The following NNMT variants were observed in gnomAD, a reference collection of about 807,000 sequenced individuals.
NNMT encodes the protein nicotinamide N-methyltransferase.
NNMT carries 10 observed loss-of-function variants against 11.7 expected under a neutral mutation model. That is an observed-to-expected ratio of 0.85 (90% CI 0.53 to 1.45). The LOEUF (loss-of-function observed/expected upper bound fraction) is 1.45. NNMT is among the 40% of genes most tolerant of loss of function. The probability of loss-of-function intolerance (pLI) is 0.00; values close to 1 mark genes in which losing one functional copy is unlikely to be tolerated. For missense variants in NNMT, 381 were observed against 319.4 expected (o/e 1.19, Z -1.47); for synonymous variants, 143 against 133.8 (o/e 1.07, Z -0.48).
At chr11:114,269,724 C>T (rs1037273505) in intron 2 of NNMT, among the ~76,000 whole-genome samples, 3 of 152,176 alleles carry the variant, frequency 2.0e-5, no homozygotes, top group Non-Finnish European at 2.9e-5. Flanking sequence ...CCTCACCACC[C>T]TCTCACCTCC....
At chr11:114,309,039 G>A (rs955541546) in intron 2 of NNMT, among the ~76,000 whole-genome samples, 1 of 152,144 alleles carries the variant, frequency 6.6e-6, no homozygotes, top group African/African-American at 2.4e-5. Flanking sequence ...ACGGAGGTTC[G>A]TTCTGCTTCT....
chr11:114,298,600 G>A (rs1945407646), intron 2 of NNMT, among the ~76,000 whole-genome samples: 1 of 152,182 alleles, frequency 6.6e-6, no homozygotes, highest in South Asian at 2.1e-4. Flanking sequence ...ATAGAACTTG[G>A]CTGTGAGTGT....
intron 2 of NNMT, among the ~76,000 whole-genome samples, chr11:114,300,873 T>C (rs934609842): frequency 1.3e-5 from 2 of 152,190 alleles, no homozygotes; most frequent in Non-Finnish European, 2.9e-5. Flanking sequence ...TTGCATGGTG[T>C]GGTGGGCAGC....
intron 2 of NNMT, among the ~76,000 whole-genome samples, chr11:114,300,489 A>G (rs1043009699): frequency 1.3e-5 from 2 of 152,276 alleles, no homozygotes; most frequent in African/African-American, 4.8e-5. Flanking sequence ...AAAAGAGTGT[A>G]TATTGTTCAG....
At chr11:114,272,678 C>T (rs920823098) in intron 2 of NNMT, among the ~76,000 whole-genome samples, 4 of 152,208 alleles carry the variant, frequency 2.6e-5, no homozygotes, top group Admixed American at 2.0e-4. Context: ...TGCAGGGTGG[C>T]CTTGACTGCT....
upstream of NNMT, among the ~76,000 whole-genome samples, chr11:114,295,600 A>G (rs1945368507): frequency 6.9e-6 from 1 of 143,902 alleles, no homozygotes; most frequent in Non-Finnish European, 1.5e-5. Context: ...AATTTTTTGT[A>G]TTTTTTTTTT....
intron 2 of NNMT, among the ~76,000 whole-genome samples, chr11:114,304,035 C>CT (rs1408890162): frequency 1.3e-5 from 2 of 151,982 alleles, no homozygotes; most frequent in African/African-American, 4.8e-5. Flanking sequence ...TTTCATACAC[C>CT]TTTTTTTTCT....
At chr11:114,286,755 T>C (rs977121639) in intron 2 of NNMT, among the ~76,000 whole-genome samples, 2 of 152,190 alleles carry the variant, frequency 1.3e-5, no homozygotes, top group African/African-American at 2.4e-5. Flanking sequence ...ACATTCATGT[T>C]TATGTGCCAG....
In NNMT at chr11:114,312,149, C is replaced by T. The variant is rs777589054; in HGVS notation, c.467C>T (p.Pro156Leu). 1.8e-5 allele frequency: 29 copies of T among 1,614,052 alleles called. No homozygotes were observed. Among genetic ancestry groups the T allele is most frequent in the East Asian group, 1.8e-4 (8 of 44,896 alleles). ...SQPLGAVPLP[P>L]ADCVLSTLCL... ...CCACTGGGGGCCGTCCCCTTACCCC[C>T]GGCTGACTGCGTGCTCAGCACACTG... The change falls in exon 3 of 3, where the codon CCG becomes CTG. Residue 156 changes from proline (P) to leucine (L), a missense_variant. Transcript: ENST00000299964.
At chr11:114,282,924 T>C (rs868641130) in intron 2 of NNMT, among the ~76,000 whole-genome samples, 1 of 152,214 alleles carries the variant, frequency 6.6e-6, no homozygotes, top group Admixed American at 6.5e-5. Flanking sequence ...ATATGCATGT[T>C]TAGAAGTGCT....
At chr11:114,268,408 G>A (rs1945139530) in intron 2 of NNMT, among the ~76,000 whole-genome samples, 2 of 152,142 alleles carry the variant, frequency 1.3e-5, no homozygotes, top group Non-Finnish European at 2.9e-5. Context: ...GAGAGGGTCA[G>A]CCTCCATACA....
At chr11:114,264,722 G>T (rs772377828) in intron 2 of NNMT, among the ~76,000 whole-genome samples, 15 of 152,306 alleles carry the variant, frequency 9.8e-5, no homozygotes, top group Middle Eastern at 3.4e-3. Flanking sequence ...CTATATATCA[G>T]GGTTCCCACA....
intron 2 of NNMT, among the ~76,000 whole-genome samples, chr11:114,283,081 G>A (rs1304786375): frequency 2.0e-5 from 3 of 152,202 alleles, no homozygotes; most frequent in Non-Finnish European, 4.4e-5. Flanking sequence ...TGGGGGTGTA[G>A]ACTGGTATAG....
intron 2 of NNMT, among the ~76,000 whole-genome samples, chr11:114,277,661 A>G (rs954638798): frequency 6.6e-6 from 1 of 152,214 alleles, no homozygotes; most frequent in Middle Eastern, 3.2e-3. Flanking sequence ...GAAAAGTGAA[A>G]GAACCTTAGA....
intron 2 of NNMT, among the ~76,000 whole-genome samples, chr11:114,301,696 G>A (rs1457115038): frequency 1.3e-5 from 2 of 151,998 alleles, no homozygotes; most frequent in African/African-American, 2.4e-5. Flanking sequence ...GTGGACACAT[G>A]TCATTATATA....
Position 114,272,874 on chromosome 11 carries a change from C to T in NNMT, c.-130+9940C>T, listed in dbSNP as rs556699720. Among the ~76,000 whole-genome samples, 3 of 152,276 alleles carry T rather than the reference C, an allele frequency of 2.0e-5. No homozygotes were observed. The East Asian group carries it at 5.8e-4, about 29-fold the overall frequency. On this transcript the variant is annotated intron_variant, in intron 2 of 4. Coordinates refer to the NNMT transcript ENST00000535401. ...ACTTTTCCCACTTACAATTTTTCTG[C>T]CATAAACTTTTCTTAAACCTCTGAT...
At chr11:114,271,259 G>C (rs1335045451) in intron 2 of NNMT, among the ~76,000 whole-genome samples, 1 of 152,160 alleles carries the variant, frequency 6.6e-6, no homozygotes, top group Non-Finnish European at 1.5e-5. Context: ...TTGAGACTGT[G>C]TAAAGGGGAT....
chr11:114,296,514 A>G lies in NNMT; in HGVS notation c.-43A>G. The G allele has an allele frequency of 6.3e-7, 1 of 1,599,496 alleles. No homozygotes were observed. The highest frequency in any genetic ancestry group is 1.7e-4 in the Middle Eastern group (1 of 5,962). On this transcript the variant is annotated 5_prime_UTR_variant, in exon 1 of 3. Transcript: ENST00000299964. The stretch of plus-strand genomic sequence containing the variant: ...GGTCACTCCCTGGCTTCTGGAGGAA[A>G]GAGAAGGAGGGCAGTGCTCCAGTGG...
intron 2 of NNMT, among the ~76,000 whole-genome samples, chr11:114,278,161 T>A (rs1945228798): frequency 1.3e-5 from 2 of 152,176 alleles, no homozygotes; most frequent in South Asian, 4.1e-4. Flanking sequence ...CAGTTTCTGT[T>A]GAGGCCTCAG....
Sources: allele counts gnomAD v4.1 joint callset (sites outside exome capture counted in the v4.1 genomes callset), GRCh38; gene constraint gnomAD v4.1.1; transcripts MANE v1.5; gene names NCBI Gene and HGNC (gene_info 2026-07-23, HGNC 2026-07-21).